MAPKAP1: variants seen among roughly 807,000 people sequenced by gnomAD.
The protein encoded by MAPKAP1 is MAPK associated protein 1.
Under a neutral mutation model 65.7 loss-of-function variants are expected in MAPKAP1, and 20 were observed. The ratio of observed to expected loss-of-function variants is 0.30; its 90% CI spans 0.21 to 0.44. The LOEUF (loss-of-function observed/expected upper bound fraction) is 0.44. Among genes scored for constraint, MAPKAP1 ranks in the 20% least tolerant of loss-of-function variants. The probability of loss-of-function intolerance (pLI) is 1.00; values close to 1 mark genes in which losing one functional copy is unlikely to be tolerated. For missense variants in MAPKAP1, 423 were observed against 648.0 expected, an observed-to-expected ratio of 0.65 and a Z score of 3.77; for synonymous variants, 222 against 244.3, an observed-to-expected ratio of 0.91 and a Z score of 0.85.
At chr9:125,476,568 A>G (rs1361720617) in intron 9 of MAPKAP1, among the ~76,000 whole-genome samples, 1 of 152,142 alleles carries the variant, frequency 6.6e-6, no homozygotes, top group Non-Finnish European at 1.5e-5. Context: ...TAACAAGGGA[A>G]AATGTTTTAT....
chr9:125,547,781 C>A (rs1275757713), intron 6 of MAPKAP1, among the ~76,000 whole-genome samples: 2 of 152,164 alleles, frequency 1.3e-5, no homozygotes, highest in Non-Finnish European at 2.9e-5. Flanking sequence ...GGCCCAAGCA[C>A]CAAAATTTCC....
intron 9 of MAPKAP1, among the ~76,000 whole-genome samples, chr9:125,477,842 C>A (rs540006826): frequency 6.6e-6 from 1 of 152,164 alleles, no homozygotes; most frequent in Non-Finnish European, 1.5e-5. Flanking sequence ...GTTAGGCACA[C>A]AGGATCAGGT....
chr9:125,573,301 C>T (rs896501569), intron 5 of MAPKAP1, among the ~76,000 whole-genome samples: 8 of 152,226 alleles, frequency 5.3e-5, no homozygotes, highest in East Asian at 3.9e-4. Flanking sequence ...AAGGAGCCAG[C>T]CAAAACACAC....
At chr9:125,463,406 T>C (rs1024629662) in intron 10 of MAPKAP1, among the ~76,000 whole-genome samples, 4 of 152,274 alleles carry the variant, frequency 2.6e-5, no homozygotes, top group African/African-American at 9.6e-5. Flanking sequence ...AAATCATTAT[T>C]CAGTAGCTTT....
At chr9:125,605,339 C>G (rs1200552044) in intron 4 of MAPKAP1, among the ~76,000 whole-genome samples, 1 of 152,194 alleles carries the variant, frequency 6.6e-6, no homozygotes, top group African/African-American at 2.4e-5. Context: ...AGCTTCCATT[C>G]CTTCCTGAAG....
chr9:125,443,379 C>T (rs1252971723), intron 11 of MAPKAP1, among the ~76,000 whole-genome samples: 3 of 152,138 alleles, frequency 2.0e-5, no homozygotes, highest in African/African-American at 4.8e-5. Context: ...GGTGGGGGAG[C>T]CCTCTCTGGT....
At chr9:125,463,527 T>C (rs910758756) in intron 10 of MAPKAP1, among the ~76,000 whole-genome samples, 6 of 152,240 alleles carry the variant, frequency 3.9e-5, no homozygotes, top group Non-Finnish European at 5.9e-5. Context: ...ATTTAACTCA[T>C]AGCCTTAACT....
chr9:125,635,004 G>A (rs572289217), intron 4 of MAPKAP1, among the ~76,000 whole-genome samples: 1 of 152,182 alleles, frequency 6.6e-6, no homozygotes, highest in Non-Finnish European at 1.5e-5. Flanking sequence ...GGAAGGAAAT[G>A]TCATCTCCTC....
chr9:125,561,102 AAATT>A (rs1242271769), intron 5 of MAPKAP1, among the ~76,000 whole-genome samples: 2 of 152,230 alleles, frequency 1.3e-5, no homozygotes, highest in Non-Finnish European at 1.5e-5. Context: ...ATTGATGCTT[AAATT>A]AATTAATTGC....
At chr9:125,589,252 G>A (rs566734490) in intron 4 of MAPKAP1, among the ~76,000 whole-genome samples, 2 of 152,280 alleles carry the variant, frequency 1.3e-5, no homozygotes, top group South Asian at 2.1e-4. Context: ...CACATGTCCT[G>A]TTCATCTCCT....
At chr9:125,670,524 C>T (rs1185139209) in intron 2 of MAPKAP1, among the ~76,000 whole-genome samples, 3 of 152,074 alleles carry the variant, frequency 2.0e-5, no homozygotes, top group Non-Finnish European at 2.9e-5. Flanking sequence ...TTTTCTTTTA[C>T]AAAATTTTAA....
At chr9:125,581,150 G>C (rs1318611165) in intron 5 of MAPKAP1, among the ~76,000 whole-genome samples, 2 of 152,228 alleles carry the variant, frequency 1.3e-5, no homozygotes, top group Admixed American at 1.3e-4. Flanking sequence ...TAGAAATAAG[G>C]CTGATATACA....
At chr9:125,635,184 G>A (rs898907292) in intron 4 of MAPKAP1, among the ~76,000 whole-genome samples, 1 of 152,194 alleles carries the variant, frequency 6.6e-6, no homozygotes, top group Non-Finnish European at 1.5e-5. Flanking sequence ...CTCAAGTCCT[G>A]CTAATCCTAC....
intron 7 of MAPKAP1, among the ~76,000 whole-genome samples, chr9:125,515,634 C>T (rs961677385): frequency 9.2e-5 from 14 of 152,346 alleles, no homozygotes; most frequent in Admixed American, 5.2e-4. Flanking sequence ...GGCAAAAAAT[C>T]GTAACTAAAT....
At chr9:125,442,293 G>A (rs1252136709) in intron 11 of MAPKAP1, among the ~76,000 whole-genome samples, 2 of 152,046 alleles carry the variant, frequency 1.3e-5, no homozygotes, top group Non-Finnish European at 2.9e-5. Flanking sequence ...TTTTGATATG[G>A]AAACAGACAC....
At chr9:125,673,467 C>T (rs1361615267) in intron 1 of MAPKAP1, among the ~76,000 whole-genome samples, 1 of 152,180 alleles carries the variant, frequency 6.6e-6, no homozygotes, top group Non-Finnish European at 1.5e-5. Flanking sequence ...CTCAGTTGAT[C>T]CGCCCGCCTT....
intron 6 of MAPKAP1, among the ~76,000 whole-genome samples, chr9:125,558,820 C>T (rs955586376): frequency 6.6e-5 from 10 of 152,232 alleles, no homozygotes; most frequent in African/African-American, 2.2e-4. Flanking sequence ...TTAATTTTCA[C>T]TAACTTCTAA....
chr9:125,594,371 A>C (rs556760342), intron 4 of MAPKAP1, among the ~76,000 whole-genome samples: 22 of 152,214 alleles, frequency 1.4e-4, no homozygotes, highest in Non-Finnish European at 2.8e-4. Flanking sequence ...CTGAACAGTA[A>C]TTAAGAGCAC....
At chr9:125,654,214 C>T (rs920655435) in intron 4 of MAPKAP1, among the ~76,000 whole-genome samples, 1 of 152,194 alleles carries the variant, frequency 6.6e-6, no homozygotes, top group African/African-American at 2.4e-5. Flanking sequence ...CAACAGTTCC[C>T]ACATCCAGTG....
Sources: allele counts gnomAD v4.1 joint callset (sites outside exome capture counted in the v4.1 genomes callset), GRCh38; gene constraint gnomAD v4.1.1; transcripts MANE v1.5; gene names NCBI Gene and HGNC (gene_info 2026-07-23, HGNC 2026-07-21).